Variants in SMC1B observed in about 807,000 individuals in gnomAD.
SMC1B encodes the protein structural maintenance of chromosomes protein 1B.
SMC1B carries 60 observed loss-of-function variants against 157.9 expected under a neutral mutation model. That is an observed-to-expected ratio of 0.38 (90% CI 0.31 to 0.47). The LOEUF (loss-of-function observed/expected upper bound fraction) is 0.47. Among genes scored for constraint, SMC1B ranks in the 20% least tolerant of loss-of-function variants. SMC1B has a pLI of 0.99. For missense variants in SMC1B, 1,165 were observed against 1,426.2 expected, an observed-to-expected ratio of 0.82 and a Z score of 2.95; for synonymous variants, 445 against 483.0, an observed-to-expected ratio of 0.92 and a Z score of 1.03.
intron 15 of SMC1B, among the ~76,000 whole-genome samples, chr22:45,368,829 T>G (rs1402752875): frequency 6.6e-6 from 1 of 152,146 alleles, no homozygotes; most frequent in Non-Finnish European, 1.5e-5. Flanking sequence ...TGAAACAGTT[T>G]TAATATTGAA....
intron 1 of SMC1B, 129 bp downstream of exon 1, chr22:45,413,330 G>A: frequency 1.4e-6 from 1 of 690,240 alleles, no homozygotes; most frequent in Admixed American, 3.0e-5. Context: ...GTCGCGGTCA[G>A]GCTCCGGGAC....
chr22:45,394,841 TATA>T (rs753415855), intron 7 of SMC1B, 74 bp from the exon 8 acceptor site: 10 of 1,342,560 alleles, frequency 7.4e-6, no homozygotes, highest in Non-Finnish European at 9.7e-6. Flanking sequence ...TAGAACTTAC[TATA>T]ATATTATAAG....
chr22:45,344,957 C>T (rs1265418345), intron 24 of SMC1B, among the ~76,000 whole-genome samples: 1 of 152,156 alleles, frequency 6.6e-6, no homozygotes, highest in Admixed American at 6.5e-5. Flanking sequence ...ACCAAATGAC[C>T]TGAACTAGTG....
At chr22:45,353,290 GAA>G (rs11287252) in intron 21 of SMC1B, among the ~76,000 whole-genome samples, 29 of 140,372 alleles carry the variant, frequency 2.1e-4, no homozygotes, top group East Asian at 1.0e-3. Flanking sequence ...AAGAAAGAAA[GAA>G]AAAAAAAAAG....
At chr22:45,365,972 T>A (rs1444058440) in intron 15 of SMC1B, among the ~76,000 whole-genome samples, 1 of 152,146 alleles carries the variant, frequency 6.6e-6, no homozygotes, top group Non-Finnish European at 1.5e-5. Context: ...AATCTATCAA[T>A]CCAATGCAAT....
At chr22:45,378,871 A>G (rs1028272232) in intron 12 of SMC1B, among the ~76,000 whole-genome samples, 1 of 152,242 alleles carries the variant, frequency 6.6e-6, no homozygotes, top group Non-Finnish European at 1.5e-5. Flanking sequence ...AGCTTACTAC[A>G]CACAAGGATT....
chr22:45,399,908 C>A (rs1356535362), intron 5 of SMC1B, among the ~76,000 whole-genome samples: 1 of 152,126 alleles, frequency 6.6e-6, no homozygotes, highest in Non-Finnish European at 1.5e-5. Flanking sequence ...TGGAAATGCA[C>A]AATTAAGCAA....
intron 23 of SMC1B, 50 bp downstream of exon 23, chr22:45,349,678 T>C: frequency 6.6e-7 from 1 of 1,517,994 alleles, no homozygotes; most frequent in Non-Finnish European, 9.1e-7. Context: ...TTGCCTCACA[T>C]GATCCTTGAA....
At chr22:45,370,545 T>C (rs928285120) in intron 14 of SMC1B, among the ~76,000 whole-genome samples, 3 of 152,234 alleles carry the variant, frequency 2.0e-5, no homozygotes, top group Admixed American at 6.5e-5. Flanking sequence ...TCTCATTTTA[T>C]GTATAATTAT....
At chr22:45,353,942 A>G in intron 21 of SMC1B, 36 bp downstream of exon 21, 1 of 1,201,064 alleles carries the variant, frequency 8.3e-7, no homozygotes, top group Non-Finnish European at 1.1e-6. Context: ...GGTAACACAG[A>G]ATTCTCACTA....
chr22:45,358,621 C>T, intron 19 of SMC1B, 76 bp downstream of exon 19: 1 of 894,230 alleles, frequency 1.1e-6, no homozygotes, highest in East Asian at 2.7e-5. Flanking sequence ...TTAATTCTAT[C>T]ATCCAAAAAT....
rs1266811624 is a variant in SMC1B, at chr22:45,352,537, G to C, written c.3339C>G (p.Ala1113=). 1 of 1,613,970 alleles carries C rather than the reference G, an allele frequency of 6.2e-7. No homozygotes were observed. The highest frequency in any genetic ancestry group is 1.7e-5 in the Admixed American group (1 of 60,002). ...YLEGISYNCV[A]PGKRFMPMDN... ...CCATTGGCATAAACCGTTTGCCTGGGGCCACACAGTTATAGCTAATTCCCT... is the reference window on the plus strand; with the variant it reads ...CCATTGGCATAAACCGTTTGCCTGGCGCCACACAGTTATAGCTAATTCCCT... Residue 1113 remains alanine, a synonymous_variant, in exon 22 of 25, where the codon GCC becomes GCG. Coordinates refer to ENST00000357450, the MANE Select transcript of SMC1B (RefSeq NM_148674.5).
intron 12 of SMC1B, among the ~76,000 whole-genome samples, chr22:45,374,011 T>C (rs1052256640): frequency 6.6e-6 from 1 of 151,614 alleles, no homozygotes; most frequent in African/African-American, 2.4e-5. Context: ...TCAAAGCTTA[T>C]TTAAAGGTTA....
At position 45,344,536 on chromosome 22, in the gene SMC1B, T is replaced by A; in HGVS notation, c.*20A>T. 6.4e-7 allele frequency: 1 copy of A among 1,561,160 alleles called. No homozygotes were observed. The highest frequency in any genetic ancestry group is 8.8e-7 in the Non-Finnish European group (1 of 1,132,014). On this transcript the variant is annotated 3_prime_UTR_variant, in exon 25 of 25. Coordinates refer to ENST00000357450, the MANE Select transcript of SMC1B (RefSeq NM_148674.5). The stretch of plus-strand genomic sequence containing the variant: ...GAGTGGGAACTGAACAGTGATCAGG[T>A]GACTGCTGCAGGACTGCCCCTAGCG...
rs968228076 is a variant in SMC1B at position 45,355,217 on chromosome 22, C to T, written c.2962-102G>A. On this transcript the variant is annotated intron_variant, in intron 19 of 24. Coordinates refer to ENST00000357450, the MANE Select transcript of SMC1B (RefSeq NM_148674.5). ...CACTTCACCATCCCAGGTCCCTGTG[C>T]ATCCACTCCTTCTCTCCCCAAAGCC... 1.6e-5 allele frequency: 18 copies of T among 1,126,316 alleles called. No homozygotes were observed. In the East Asian group the frequency reaches 2.6e-4, roughly 16 times the overall value. The allele number at this position is 1,126,316 out of a possible 1,614,324, so 69.8% of individuals were successfully genotyped here.
chr22:45,391,245 C>T (rs1346364714), intron 9 of SMC1B, among the ~76,000 whole-genome samples: 148 of 152,200 alleles, frequency 9.7e-4, no homozygotes, highest in Non-Finnish European at 2.1e-4. Flanking sequence ...GTTAATTTGT[C>T]TATGTTATTT....
chr22:45,357,310 T>C (rs1004081207), intron 19 of SMC1B, among the ~76,000 whole-genome samples: 2 of 152,228 alleles, frequency 1.3e-5, no homozygotes, highest in South Asian at 2.1e-4. Context: ...AATGTATGGC[T>C]ACAGGGATGA....
At chr22:45,400,748 A>T (rs2146844065) in intron 5 of SMC1B, among the ~76,000 whole-genome samples, 1 of 152,348 alleles carries the variant, frequency 6.6e-6, no homozygotes, top group East Asian at 1.9e-4. Flanking sequence ...GTCAACATCA[A>T]CAGTGATACC....
At chr22:45,391,031 T>C (rs1250686505) in intron 9 of SMC1B, among the ~76,000 whole-genome samples, 2 of 152,048 alleles carry the variant, frequency 1.3e-5, no homozygotes, top group African/African-American at 4.8e-5. Flanking sequence ...GTCAATAATT[T>C]GATTTTCAGC....
Sources: gnomAD v4.1 joint callset for allele counts (sites outside exome capture counted in the v4.1 genomes callset) on GRCh38, gnomAD v4.1.1 for gene constraint, MANE v1.5 for transcripts, NCBI Gene and HGNC (gene_info 2026-07-23, HGNC 2026-07-21) for gene names.